Variants in TTC39B observed in about 807,000 individuals in gnomAD.
TTC39B encodes the protein tetratricopeptide repeat domain 39B.
Under a neutral mutation model 96.6 loss-of-function variants are expected in TTC39B, and 92 were observed. The ratio of observed to expected loss-of-function variants is 0.95; its 90% CI spans 0.80 to 1.13. The LOEUF (loss-of-function observed/expected upper bound fraction) is 1.13, where lower values mean the gene tolerates loss of function less well. Among genes scored for constraint, TTC39B ranks in the 50% most tolerant of loss-of-function variants. The pLI, the probability that TTC39B is intolerant of heterozygous loss-of-function variation, is 0.00. For missense variants in TTC39B, 955 were observed against 809.3 expected, an observed-to-expected ratio of 1.18 and a Z score of -2.18; for synonymous variants, 367 against 299.4, an observed-to-expected ratio of 1.23 and a Z score of -2.33.
chr9:15,208,056 G>A (rs556141729), intron 6 of TTC39B, among the ~76,000 whole-genome samples: 4 of 149,998 alleles, frequency 2.7e-5, no homozygotes, highest in African/African-American at 9.8e-5. Context: ...TTGAGACAGA[G>A]TATTACTCTG....
At chr9:15,198,390 G>T (rs773804492) in intron 8 of TTC39B, among the ~76,000 whole-genome samples, 1 of 151,450 alleles carries the variant, frequency 6.6e-6, no homozygotes, top group Non-Finnish European at 1.5e-5. Context: ...CCAGGAGGCA[G>T]AGGTTGCAGT....
intron 1 of TTC39B, among the ~76,000 whole-genome samples, chr9:15,286,906 T>C (rs1048703211): frequency 2.4e-4 from 36 of 152,352 alleles, no homozygotes; most frequent in African/African-American, 8.7e-4. Flanking sequence ...AAATTTGACC[T>C]GGGGAACTTT....
In TTC39B at chr9:15,244,594, A is replaced by G. The variant is rs540005151; in HGVS notation, c.276-18582T>C. Among the ~76,000 whole-genome samples, 4 of 152,140 alleles carry G rather than the reference A, an allele frequency of 2.6e-5. No individual in the cohort carries two copies. The East Asian group carries it at 7.7e-4, about 29-fold the overall frequency. On this transcript the variant is annotated intron_variant, in intron 2 of 19. Coordinates refer to ENST00000512701, the Ensembl canonical transcript of TTC39B. ...GCTGATGTTATTAGAGGAGTTATAG[A>G]GGAGTATAGTGGTGCTGATGTTATT...
intron 2 of TTC39B, among the ~76,000 whole-genome samples, chr9:15,261,922 A>G (rs1170021368): frequency 6.6e-6 from 1 of 152,224 alleles, no homozygotes; most frequent in Non-Finnish European, 1.5e-5. Context: ...AGAAGTGCAA[A>G]CCAGCATGGA....
chr9:15,198,285 C>T (rs554444288), intron 8 of TTC39B, among the ~76,000 whole-genome samples: 5 of 151,906 alleles, frequency 3.3e-5, no homozygotes, highest in African/African-American at 9.7e-5. Context: ...GGTGAAACCC[C>T]GTCTTTACTA....
At chr9:15,239,279 G>T (rs1000821316) in intron 2 of TTC39B, among the ~76,000 whole-genome samples, 10 of 152,168 alleles carry the variant, frequency 6.6e-5, no homozygotes, top group African/African-American at 2.4e-4. Flanking sequence ...ATGTTGGATT[G>T]CTTATGGAGA....
chr9:15,265,267 T>G (rs1013755084), intron 2 of TTC39B, among the ~76,000 whole-genome samples: 1 of 152,214 alleles, frequency 6.6e-6, no homozygotes, highest in Non-Finnish European at 1.5e-5. Context: ...ACCAGCCTAC[T>G]GAAGCCAGTG....
chr9:15,181,040 C>A (rs1418244521), intron 17 of TTC39B, among the ~76,000 whole-genome samples: 1 of 152,118 alleles, frequency 6.6e-6, no homozygotes, highest in Non-Finnish European at 1.5e-5. Context: ...AGGAGAGTGA[C>A]TTGGTTTTCC....
intron 2 of TTC39B, among the ~76,000 whole-genome samples, chr9:15,254,183 T>C (rs1386995991): frequency 2.0e-5 from 3 of 151,936 alleles, no homozygotes; most frequent in Non-Finnish European, 2.9e-5. Flanking sequence ...AAAAGAACCA[T>C]GCAATGAAGG....
At chr9:15,274,438 A>T (rs57102646) in intron 1 of TTC39B, among the ~76,000 whole-genome samples, 1 of 152,084 alleles carries the variant, frequency 6.6e-6, no homozygotes. Flanking sequence ...AAGAGCATCA[A>T]TGTTCTTTGA....
intron 2 of TTC39B, among the ~76,000 whole-genome samples, chr9:15,262,289 G>A (rs1032957671): frequency 3.9e-5 from 6 of 152,034 alleles, no homozygotes; most frequent in African/African-American, 1.4e-4. Flanking sequence ...AGTACAGATG[G>A]GGTTTTGGTA....
intron 2 of TTC39B, among the ~76,000 whole-genome samples, chr9:15,235,048 A>ATAAATAAATAAATAAATAAAT (rs749210643): frequency 6.6e-6 from 1 of 151,172 alleles, no homozygotes; most frequent in Non-Finnish European, 1.5e-5. Flanking sequence ...TAAATAAAAC[A>ATAAATAAATAAATAAATAAAT]AAAACAAAAC....
chr9:15,269,787 G>C (rs556694864), intron 1 of TTC39B, among the ~76,000 whole-genome samples: 1 of 150,518 alleles, frequency 6.6e-6, no homozygotes, highest in Admixed American at 6.6e-5. Context: ...CCTGGGAGGC[G>C]GACGTTACAG....
intron 1 of TTC39B, among the ~76,000 whole-genome samples, chr9:15,294,478 A>G (rs569903715): frequency 6.6e-6 from 1 of 152,368 alleles, no homozygotes; most frequent in East Asian, 1.9e-4. Context: ...TTTATGTGTC[A>G]GCGACCAAAT....
chr9:15,233,047 A>G (rs1301917976), intron 2 of TTC39B, among the ~76,000 whole-genome samples: 2 of 151,932 alleles, frequency 1.3e-5, no homozygotes, highest in South Asian at 2.1e-4. Context: ...AAATTTTGCG[A>G]TAGGACAGCT....
chr9:15,165,357 AG>A (rs1247922404), exon 20 of TTC39B: 1 of 152,174 alleles, frequency 6.6e-6, no homozygotes. Flanking sequence ...AGGGAAAAAA[AG>A]AAAAAAAAAG....
chr9:15,203,743 A>C, intron 7 of TTC39B, 80 bp downstream of exon 7: 1 of 1,137,996 alleles, frequency 8.8e-7, no homozygotes, highest in South Asian at 1.5e-5. Flanking sequence ...TGAAGCTTTG[A>C]CATAGAATGC....
rs7025396 is a variant in TTC39B, at chr9:15,214,124, G to C, written c.482+15C>G. The C allele has an allele frequency of 0.079, 124,338 of 1,575,256 alleles. 6,659 individuals are homozygous for C. The highest frequency in any genetic ancestry group is 0.27 in the African/African-American group (20,290 of 74,024). ...TCTGAAAGATATTTTATCTAAAAGAGACAAAGTAAATTACCAGGGGCGAAG... is the reference window on the plus strand; with the variant it reads ...TCTGAAAGATATTTTATCTAAAAGACACAAAGTAAATTACCAGGGGCGAAG... On this transcript the variant is annotated intron_variant, in intron 4 of 19. Coordinates refer to ENST00000512701, the Ensembl canonical transcript of TTC39B.
intron 3 of TTC39B, among the ~76,000 whole-genome samples, chr9:15,218,168 C>CA (rs764511443): frequency 0.29 from 16,543 of 57,742 alleles, 1,946 homozygotes; most frequent in Non-Finnish European, 0.32. Context: ...GACTCTGTCT[C>CA]AAAAAAAAAA....
Sources: gnomAD v4.1 joint callset for allele counts (sites outside exome capture counted in the v4.1 genomes callset) on GRCh38, gnomAD v4.1.1 for gene constraint, MANE v1.5 for transcripts, NCBI Gene and HGNC (gene_info 2026-07-23, HGNC 2026-07-21) for gene names.